The following RAD51B variants were observed in gnomAD, a reference collection of about 807,000 sequenced individuals.
The protein encoded by RAD51B is DNA repair protein RAD51 homolog 2.
Under a neutral mutation model 42.2 loss-of-function variants are expected in RAD51B, and 38 were observed. The ratio of observed to expected loss-of-function variants is 0.90; its 90% confidence interval spans 0.70 to 1.18. The LOEUF is 1.18. Among genes scored for constraint, RAD51B ranks in the 50% most tolerant of loss-of-function variants. The probability of loss-of-function intolerance (pLI) is 0.00; values close to 1 mark genes in which losing one functional copy is unlikely to be tolerated. For synonymous variants in RAD51B, 154 were observed against 145.2 expected, an observed-to-expected ratio of 1.06 and a Z score of -0.43; for missense variants, 373 against 400.7, an observed-to-expected ratio of 0.93 and a Z score of 0.59.
chr14:68,256,979 G>A (rs2080766967), intron 7 of RAD51B, among the ~76,000 whole-genome samples: 1 of 152,112 alleles, frequency 6.6e-6, no homozygotes. Flanking sequence ...CCAGGAAAAA[G>A]GAATAAAATC....
At chr14:68,085,039 G>T (rs1471280423) in intron 7 of RAD51B, among the ~76,000 whole-genome samples, 1 of 152,316 alleles carries the variant, frequency 6.6e-6, no homozygotes, top group South Asian at 2.1e-4. Flanking sequence ...AAGGCGTCAA[G>T]AATAATTTCC....
At chr14:68,091,393 A>C (rs374830311) in intron 7 of RAD51B, among the ~76,000 whole-genome samples, 2 of 152,056 alleles carry the variant, frequency 1.3e-5, no homozygotes, top group African/African-American at 2.4e-5. Flanking sequence ...TGATCGCCAT[A>C]CTAACTGGTG....
At chr14:67,864,783 C>G in intron 4 of RAD51B, 1 of 746,050 alleles carries the variant, frequency 1.3e-6, no homozygotes, top group Non-Finnish European at 2.2e-6. Flanking sequence ...CTCAATTCCT[C>G]CAAGGATGGT....
intron 8 of RAD51B, among the ~76,000 whole-genome samples, chr14:68,332,837 T>C (rs2082377203): frequency 6.6e-6 from 1 of 152,260 alleles, no homozygotes; most frequent in Non-Finnish European, 1.5e-5. Flanking sequence ...GAAACATCTT[T>C]AAATCATCTC....
intron 7 of RAD51B, among the ~76,000 whole-genome samples, chr14:68,205,199 G>A (rs1449297718): frequency 6.6e-6 from 1 of 152,058 alleles, no homozygotes; most frequent in East Asian, 1.9e-4. Flanking sequence ...TTTATTTTAG[G>A]TGTTATACAG....
At position 67,949,024 on chromosome 14, in the gene RAD51B, A is replaced by G. The variant is rs181724638; in HGVS notation, c.756+61820A>G. On this transcript the variant is annotated intron_variant, in intron 7 of 10. Coordinates refer to ENST00000471583, the MANE Select transcript of RAD51B (RefSeq NM_133510.4). ...AATGCTAGTGATCATCTGAGCCTTC[A>G]GTGAGTCATAAGCTTTTTGCTGGTG... Among the ~76,000 whole-genome samples, 45 of 150,766 alleles carry G rather than the reference A, an allele frequency of 3.0e-4. No individual in the cohort carries two copies. In the East Asian group the frequency reaches 7.2e-3, roughly 24 times the overall value.
intron 7 of RAD51B, among the ~76,000 whole-genome samples, chr14:68,226,151 T>A (rs975150634): frequency 1.3e-5 from 2 of 152,234 alleles, no homozygotes; most frequent in Admixed American, 1.3e-4. Context: ...GCAAGGGAAC[T>A]TGATTGCTGT....
rs192051083 is a variant in RAD51B at position 68,538,449 on chromosome 14, A to G, written c.1037-56036A>G. On this transcript the variant is annotated intron_variant, in intron 10 of 10. Transcript: ENST00000487270. ...CTGGCTGCCAGGTCTTTAGGAAGGC[A>G]TATTTTTTCATTGTAGGCAAACAGA... 1.1e-4 allele frequency among the ~76,000 whole-genome samples: 16 copies of G among 152,328 alleles called. No individual in the cohort carries two copies. In the East Asian group the frequency reaches 2.9e-3, roughly 28 times the overall value.
chr14:68,300,867 G>C (rs560083152), intron 8 of RAD51B, among the ~76,000 whole-genome samples: 1 of 152,306 alleles, frequency 6.6e-6, no homozygotes, highest in African/African-American at 2.4e-5. Flanking sequence ...TCTATCCACT[G>C]CTTGAGCAAG....
chr14:67,923,159 C>T lies in RAD51B; in HGVS notation c.756+35955C>T, dbSNP rs80295842. 8.1e-3 allele frequency among the ~76,000 whole-genome samples: 1,231 copies of T among 152,240 alleles called. 15 individuals are homozygous for T. Among genetic ancestry groups the T allele is most frequent in the African/African-American group, 0.028 (1,151 of 41,550 alleles). ...TCCTGAGTTACTTTGCTTAGAGTAA[C>T]GGTCTCCAGTTCCATCTAGGTTGCT... On this transcript the variant is annotated intron_variant, in intron 7 of 10. Coordinates refer to ENST00000471583, the MANE Select transcript of RAD51B (RefSeq NM_133510.4).
intron 7 of RAD51B, among the ~76,000 whole-genome samples, chr14:67,993,377 ACT>A (rs1176993610): frequency 1.3e-5 from 2 of 151,950 alleles, no homozygotes; most frequent in Non-Finnish European, 2.9e-5. Flanking sequence ...CCATCATTCT[ACT>A]CTCTATTTCC....
At chr14:68,036,311 C>A (rs1366485885) in intron 7 of RAD51B, among the ~76,000 whole-genome samples, 3 of 152,208 alleles carry the variant, frequency 2.0e-5, no homozygotes, top group Non-Finnish European at 4.4e-5. Flanking sequence ...GAGGCAGAAA[C>A]ATCTCCTAAT....
intron 8 of RAD51B, among the ~76,000 whole-genome samples, chr14:68,385,225 C>A (rs2083567748): frequency 1.3e-5 from 2 of 152,254 alleles, no homozygotes; most frequent in Admixed American, 6.5e-5. Flanking sequence ...GCATGCCAGG[C>A]CTGCCACCCT....
intron 7 of RAD51B, among the ~76,000 whole-genome samples, chr14:67,939,880 A>G (rs2045099858): frequency 6.6e-6 from 1 of 150,922 alleles, no homozygotes. Flanking sequence ...CATTTAGTCC[A>G]TAGCAGATTG....
intron 7 of RAD51B, among the ~76,000 whole-genome samples, chr14:67,994,895 CA>C (rs1354709774): frequency 6.6e-6 from 1 of 152,100 alleles, no homozygotes; most frequent in Non-Finnish European, 1.5e-5. Flanking sequence ...AATGAATAAA[CA>C]AAATGTGGTG....
intron 7 of RAD51B, among the ~76,000 whole-genome samples, chr14:67,941,610 C>G (rs932528507): frequency 6.6e-6 from 1 of 152,170 alleles, no homozygotes; most frequent in African/African-American, 2.4e-5. Flanking sequence ...AAAGTTGACT[C>G]TGAGAATGCC....
At chr14:68,050,957 A>C (rs2076383413) in intron 7 of RAD51B, among the ~76,000 whole-genome samples, 1 of 151,770 alleles carries the variant, frequency 6.6e-6, no homozygotes, top group Non-Finnish European at 1.5e-5. Flanking sequence ...CAACTCCAGG[A>C]GAAATATTAA....
intron 7 of RAD51B, among the ~76,000 whole-genome samples, chr14:68,127,340 C>T (rs1199338874): frequency 6.6e-6 from 1 of 152,162 alleles, no homozygotes; most frequent in Admixed American, 6.6e-5. Context: ...GCACTATTCA[C>T]ATACTGTTTC....
At chr14:68,433,855 G>GT (rs2140141783) in intron 9 of RAD51B, among the ~76,000 whole-genome samples, 1 of 152,306 alleles carries the variant, frequency 6.6e-6, no homozygotes, top group South Asian at 2.1e-4. Flanking sequence ...TTTCTGCTCT[G>GT]TTTTTTCCCC....
Sources: allele counts gnomAD v4.1 joint callset (sites outside exome capture counted in the v4.1 genomes callset), GRCh38; gene constraint gnomAD v4.1.1; transcripts MANE v1.5; gene names NCBI Gene and HGNC (gene_info 2026-07-23, HGNC 2026-07-21).